Variants in AK8 observed in about 807,000 individuals in gnomAD.
AK8 encodes the protein ATP-AMP transphosphorylase 8.
In AK8, 44 loss-of-function variants were observed where a neutral mutation model predicts 54.6. The observed-to-expected ratio is 0.81, with a 90% CI of 0.63 to 1.04. The LOEUF is 1.04. Ranked by LOEUF, AK8 falls within the 50% of genes least tolerant of loss-of-function variation. The pLI is 0.00. For synonymous variants in AK8, 239 were observed against 245.6 expected, an observed-to-expected ratio of 0.97 and a Z score of 0.25; for missense variants, 555 against 613.6, an observed-to-expected ratio of 0.90 and a Z score of 1.01.
intron 11 of AK8, among the ~76,000 whole-genome samples, chr9:132,778,379 C>T (rs1839316877): frequency 6.6e-6 from 1 of 152,178 alleles, no homozygotes; most frequent in Admixed American, 6.5e-5. Context: ...GATTCCAACT[C>T]CATTTCCTAG....
chr9:132,788,293 T>C (rs1275914088), intron 11 of AK8, among the ~76,000 whole-genome samples: 1 of 152,208 alleles, frequency 6.6e-6, no homozygotes, highest in Non-Finnish European at 1.5e-5. Flanking sequence ...ATTGTATGCT[T>C]GTATCTCATT....
chr9:132,776,309 C>A (rs980275365), intron 11 of AK8, among the ~76,000 whole-genome samples: 2 of 152,214 alleles, frequency 1.3e-5, no homozygotes, highest in Non-Finnish European at 2.9e-5. Context: ...GATGACCCAG[C>A]CACCGCCTCC....
intron 11 of AK8, among the ~76,000 whole-genome samples, chr9:132,748,274 T>C (rs967547131): frequency 3.3e-5 from 5 of 150,224 alleles, no homozygotes; most frequent in Non-Finnish European, 5.9e-5. Context: ...ATTTAAAGCT[T>C]CATGTGTCTG....
chr9:132,859,109 G>A (rs903261996), intron 4 of AK8, among the ~76,000 whole-genome samples: 4 of 152,214 alleles, frequency 2.6e-5, no homozygotes, highest in African/African-American at 9.6e-5. Context: ...GAGCAGCAAG[G>A]CCAGCTGGAG....
intron 11 of AK8, among the ~76,000 whole-genome samples, chr9:132,752,146 C>T (rs370020415): frequency 3.8e-3 from 187 of 48,740 alleles, no homozygotes; most frequent in African/African-American, 0.012. Flanking sequence ...CCAGCCAAGA[C>T]CTGTTTAGAG....
chr9:132,764,526 A>C (rs1255581014), intron 11 of AK8, among the ~76,000 whole-genome samples: 2 of 152,252 alleles, frequency 1.3e-5, no homozygotes, highest in Non-Finnish European at 2.9e-5. Flanking sequence ...ATTAGAGACT[A>C]TTATGAACAA....
At chr9:132,824,325 A>C (rs1841785484) in intron 8 of AK8, among the ~76,000 whole-genome samples, 1 of 152,200 alleles carries the variant, frequency 6.6e-6, no homozygotes, top group African/African-American at 2.4e-5. Flanking sequence ...CCAAGGCCCC[A>C]GACTGTCCTG....
chr9:132,875,258 C>A, intron 1 of AK8, 59 bp from the exon 2 acceptor site: 1 of 1,598,654 alleles, frequency 6.3e-7, no homozygotes, highest in Non-Finnish European at 8.5e-7. Context: ...CTGGTCACCA[C>A]AGATACCAGC....
rs551515985 is a variant in AK8, at chr9:132,841,036, C to T, written c.403-12310G>A. On this transcript the variant is annotated intron_variant, in intron 5 of 12. Transcript: ENST00000298545. ...AAAGCATCAACTCTAAGTGGACCTC[C>T]GGGCTGGGCACAGTGCTAAGTGCTA... Among the ~76,000 whole-genome samples the T allele has an allele frequency of 5.9e-5, 9 of 152,320 alleles. No individual in the cohort carries two copies. The South Asian group carries it at 6.2e-4, about 11-fold the overall frequency.
chr9:132,744,778 AAAT>A (rs755112862), intron 11 of AK8, among the ~76,000 whole-genome samples: 5 of 152,238 alleles, frequency 3.3e-5, no homozygotes, highest in South Asian at 4.1e-4. Flanking sequence ...CATAAAACAG[AAAT>A]AATAACCACT....
chr9:132,725,603 T>G lies in AK8; in HGVS notation c.*85A>C. ...CTGTATCCAGCAGGCTTTATTGGCT[T>G]TTTAGGGGAGCTGTGCCGAGGCTGG... On this transcript the variant is annotated 3_prime_UTR_variant, in exon 13 of 13. Coordinates refer to ENST00000298545, the MANE Select transcript of AK8 (RefSeq NM_152572.3). 4 of 1,270,826 alleles carry G rather than the reference T, an allele frequency of 3.1e-6. No individual in the cohort carries two copies. The highest frequency in any genetic ancestry group is 4.4e-6 in the Non-Finnish European group (4 of 916,650). 78.7% of individuals were successfully genotyped at this position (1,270,826 alleles called of 1,614,324 possible). A position where few individuals can be genotyped will look rare whatever the true frequency, so the allele number is the denominator to read the frequency against.
intron 5 of AK8, among the ~76,000 whole-genome samples, chr9:132,851,064 AG>A (rs1842953426): frequency 1.3e-5 from 2 of 152,240 alleles, no homozygotes; most frequent in African/African-American, 4.8e-5. Flanking sequence ...TTGGGGGAAA[AG>A]ACTAGAATCC....
At chr9:132,848,082 C>T (rs1292688532) in intron 5 of AK8, among the ~76,000 whole-genome samples, 1 of 135,640 alleles carries the variant, frequency 7.4e-6, no homozygotes, top group African/African-American at 2.7e-5. Context: ...TGCCATTGCA[C>T]TCCGGCCTGG....
intron 11 of AK8, among the ~76,000 whole-genome samples, chr9:132,766,249 C>A (rs1838720548): frequency 1.3e-5 from 2 of 152,124 alleles, no homozygotes; most frequent in Admixed American, 6.5e-5. Context: ...GTAGCTGGAA[C>A]AACAAATGTG....
chr9:132,849,743 G>A (rs565618807), intron 5 of AK8, among the ~76,000 whole-genome samples: 70 of 152,240 alleles, frequency 4.6e-4, no homozygotes, highest in Non-Finnish European at 6.8e-4. Context: ...TCAGGTTTGG[G>A]GCTTCCCAAT....
intron 5 of AK8, among the ~76,000 whole-genome samples, chr9:132,835,037 T>A (rs1842263620): frequency 6.6e-6 from 1 of 152,082 alleles, no homozygotes; most frequent in African/African-American, 2.4e-5. Flanking sequence ...GCCCAGCTAA[T>A]GTTTTATATT....
chr9:132,816,043 A>G (rs1841311515), intron 9 of AK8, among the ~76,000 whole-genome samples: 1 of 152,292 alleles, frequency 6.6e-6, no homozygotes, highest in Admixed American at 6.5e-5. Context: ...CCAGCAAAGG[A>G]CATATAAGTG....
intron 11 of AK8, among the ~76,000 whole-genome samples, chr9:132,744,531 C>A (rs1837547591): frequency 6.6e-6 from 1 of 152,116 alleles, no homozygotes; most frequent in Non-Finnish European, 1.5e-5. Flanking sequence ...GCAGAAATCT[C>A]CCATTTTACA....
At chr9:132,854,815 C>T (rs772121623) in intron 5 of AK8, 42 bp downstream of exon 5, 24 of 1,608,486 alleles carry the variant, frequency 1.5e-5, no homozygotes, top group Non-Finnish European at 2.0e-5. Context: ...TCACCCTCCC[C>T]TTTATCTTGG....
Sources: gnomAD v4.1 joint callset for allele counts (sites outside exome capture counted in the v4.1 genomes callset) on GRCh38, gnomAD v4.1.1 for gene constraint, MANE v1.5 for transcripts, NCBI Gene and HGNC (gene_info 2026-07-23, HGNC 2026-07-21) for gene names.